Variants in GALNT17 observed in about 807,000 individuals in gnomAD.
GALNT17 encodes polypeptide N-acetylgalactosaminyltransferase 17.
GALNT17 carries 29 observed loss-of-function variants against 63.7 expected under a neutral mutation model. That is an observed-to-expected ratio of 0.46 (90% confidence interval 0.34 to 0.62). GALNT17 has a LOEUF of 0.62. Ranked by LOEUF, GALNT17 falls within the 20% of genes least tolerant of loss-of-function variation. GALNT17 has a pLI of 0.01. For synonymous variants in GALNT17, 305 were observed against 318.3 expected (o/e 0.96, Z 0.45); for missense variants, 603 against 799.6 (o/e 0.75, Z 2.97).
intron 6 of GALNT17, among the ~76,000 whole-genome samples, chr7:71,659,686 A>G (rs1790877432): frequency 6.6e-6 from 1 of 152,242 alleles, no homozygotes; most frequent in South Asian, 2.1e-4. Context: ...GGAGAGGGGA[A>G]ATAGGTTCAG....
intron 6 of GALNT17, among the ~76,000 whole-genome samples, chr7:71,582,670 CA>C (rs1292934165): frequency 6.6e-6 from 1 of 152,100 alleles, no homozygotes; most frequent in Admixed American, 6.5e-5. Context: ...TTTGCAGCAA[CA>C]TGAATGAGAT....
intron 1 of GALNT17, among the ~76,000 whole-genome samples, chr7:71,302,129 T>C (rs1189113774): frequency 6.6e-6 from 1 of 151,972 alleles, no homozygotes; most frequent in Non-Finnish European, 1.5e-5. Flanking sequence ...TTGTCACTTA[T>C]AAGTAGGGGC....
chr7:71,404,090 C>G (rs959736410), intron 3 of GALNT17, among the ~76,000 whole-genome samples: 2 of 152,150 alleles, frequency 1.3e-5, no homozygotes, highest in African/African-American at 4.8e-5. Context: ...ACTTGGAGCT[C>G]TCACCTGGAT....
chr7:71,352,956 A>G (rs1481909948), intron 2 of GALNT17, among the ~76,000 whole-genome samples: 2 of 152,148 alleles, frequency 1.3e-5, no homozygotes, highest in African/African-American at 4.8e-5. Context: ...TGATGACCTC[A>G]ACAAGGATAT....
At chr7:71,133,118 C>T (rs12673981) in intron 1 of GALNT17, 78 bp downstream of exon 1, 81,300 of 1,276,316 alleles carry the variant, frequency 0.064, 2,912 homozygotes, top group East Asian at 0.11. Context: ...TCCTTGCGCG[C>T]TGCGCCCTGT....
intron 1 of GALNT17, among the ~76,000 whole-genome samples, chr7:71,187,301 T>TG (rs1248007167): frequency 6.6e-6 from 1 of 150,606 alleles, no homozygotes; most frequent in Non-Finnish European, 1.5e-5. Flanking sequence ...TTTTTTTTTT[T>TG]GTAGAGGTGG....
At chr7:71,701,870 CAT>C (rs1468019275) in intron 9 of GALNT17, among the ~76,000 whole-genome samples, 553 of 46,746 alleles carry the variant, frequency 0.012, 17 homozygotes, top group South Asian at 0.037. Context: ...TATATATATA[CAT>C]ATATATATGT....
intron 3 of GALNT17, among the ~76,000 whole-genome samples, chr7:71,412,306 C>T (rs1463779907): frequency 2.0e-5 from 3 of 152,056 alleles, no homozygotes; most frequent in Non-Finnish European, 4.4e-5. Context: ...TGTTCCACAA[C>T]GTGTGGTTCT....
intron 1 of GALNT17, among the ~76,000 whole-genome samples, chr7:71,147,246 T>C (rs770485953): frequency 2.6e-5 from 4 of 152,068 alleles, no homozygotes; most frequent in Admixed American, 6.6e-5. Context: ...AATCACAAGG[T>C]CCCACAGTAG....
At chr7:71,216,525 C>T (rs1789480929) in intron 1 of GALNT17, among the ~76,000 whole-genome samples, 1 of 151,960 alleles carries the variant, frequency 6.6e-6, no homozygotes, top group Non-Finnish European at 1.5e-5. Context: ...CTTCTTACAA[C>T]ACACACACAT....
intron 8 of GALNT17, among the ~76,000 whole-genome samples, chr7:71,676,789 G>A (rs112021197): frequency 6.6e-6 from 1 of 152,150 alleles, no homozygotes; most frequent in African/African-American, 2.4e-5. Context: ...CCACTTACAA[G>A]CCTAACCATC....
chr7:71,176,028 G>T (rs1429758141), intron 1 of GALNT17, among the ~76,000 whole-genome samples: 1 of 152,112 alleles, frequency 6.6e-6, no homozygotes, highest in Non-Finnish European at 1.5e-5. Context: ...GTAGTCATTT[G>T]AAGCCTGTCA....
At chr7:71,237,512 A>G (rs1275656771) in intron 1 of GALNT17, among the ~76,000 whole-genome samples, 26 of 90,372 alleles carry the variant, frequency 2.9e-4, no homozygotes, top group African/African-American at 8.9e-4. Flanking sequence ...CCCATCTCTG[A>G]AAAAAAAAAA....
At chr7:71,647,502 C>T (rs894309685) in intron 6 of GALNT17, among the ~76,000 whole-genome samples, 3 of 152,150 alleles carry the variant, frequency 2.0e-5, no homozygotes, top group Non-Finnish European at 4.4e-5. Flanking sequence ...TCTGTTGATA[C>T]CCTCCATTTT....
chr7:71,358,795 C>T lies in GALNT17; in HGVS notation c.422+23062C>T, dbSNP rs184033486. 3.4e-3 allele frequency among the ~76,000 whole-genome samples: 515 copies of T among 149,788 alleles called. 1 individual carries two copies. Among genetic ancestry groups the T allele is most frequent in the Non-Finnish European group, 5.8e-3 (392 of 67,634 alleles). On this transcript the variant is annotated intron_variant, in intron 2 of 10. Coordinates refer to ENST00000333538, the MANE Select transcript of GALNT17 (RefSeq NM_022479.3). ...TTTTTCTTTTTCTTTTTTTTTGAGA[C>T]GTGGTTTCGCTCTTGTTGCCCAGGC...
At chr7:71,425,716 A>G (rs1371407989) in intron 5 of GALNT17, among the ~76,000 whole-genome samples, 1 of 152,134 alleles carries the variant, frequency 6.6e-6, no homozygotes, top group Non-Finnish European at 1.5e-5. Context: ...TGTTCCCAGG[A>G]TAGCTTTCAT....
intron 5 of GALNT17, among the ~76,000 whole-genome samples, chr7:71,497,864 T>A (rs530150411): frequency 6.6e-6 from 1 of 152,316 alleles, no homozygotes; most frequent in African/African-American, 2.4e-5. Context: ...CTTTTTGTCT[T>A]ACAGATGGCT....
In GALNT17 at chr7:71,458,726, G is replaced by C. The variant is rs188033834; in HGVS notation, c.962+37621G>C. Among the ~76,000 whole-genome samples the C allele has an allele frequency of 8.3e-4, 126 of 152,284 alleles. 1 individual carries two copies. The highest frequency in any genetic ancestry group is 3.4e-3 in the Middle Eastern group (1 of 294). ...AGTGGGAAGAGGATCTTCCCCTGGA[G>C]TTTGGCTGTCCAGCGGCTCACCTCC... is the stretch of plus-strand genomic sequence containing the variant. On this transcript the variant is annotated intron_variant, in intron 5 of 10. Transcript: ENST00000333538.
rs576921583 is a variant in GALNT17, at chr7:71,547,651, A to G, written c.963-23634A>G. Among the ~76,000 whole-genome samples the G allele has an allele frequency of 1.4e-4, 22 of 152,204 alleles. No homozygotes were observed. In the East Asian group the frequency reaches 3.9e-3, roughly 27 times the overall value. On this transcript the variant is annotated intron_variant, in intron 5 of 10. Transcript: ENST00000333538. ...AGCCTGCAGCAGGAGTGAAACCCGC[A>G]CTGAGAGAGGAGAGACTGTCACTAT...
Sources: allele counts gnomAD v4.1 joint callset (sites outside exome capture counted in the v4.1 genomes callset), GRCh38; gene constraint gnomAD v4.1.1; transcripts MANE v1.5; gene names NCBI Gene and HGNC (gene_info 2026-07-23, HGNC 2026-07-21).